Variants in USP34 observed in about 807,000 individuals in gnomAD.
USP34 encodes ubiquitin specific peptidase 34, also known as ubiquitin carboxyl-terminal hydrolase 34.
A neutral mutation model predicts 460.3 loss-of-function variants in USP34; 70 were observed. The ratio of observed to expected loss-of-function variants is 0.15; its 90% CI spans 0.13 to 0.19. The LOEUF (loss-of-function observed/expected upper bound fraction) is 0.19. USP34 is among the 10% of genes least tolerant of loss of function. The probability of loss-of-function intolerance (pLI) is 1.00; values close to 1 mark genes in which losing one functional copy is unlikely to be tolerated. For synonymous variants in USP34, 1,647 were observed against 1,405.3 expected (o/e 1.17, Z -3.85); for missense variants, 3,985 against 4,236.2 (o/e 0.94, Z 1.65).
chr2:61,203,106 T>G, intron 75 of USP34, 34 bp downstream of exon 75: 13 of 1,509,498 alleles, frequency 8.6e-6, no homozygotes, highest in Non-Finnish European at 1.1e-5. Flanking sequence ...TTAAAATAAT[T>G]CAGTGGAATT....
At chr2:61,421,952 A>T (rs1365298441) in intron 1 of USP34, among the ~76,000 whole-genome samples, 3 of 151,832 alleles carry the variant, frequency 2.0e-5, no homozygotes, top group Admixed American at 6.6e-5. Flanking sequence ...AAAGGGGTTT[A>T]AAAAAAAATT....
At chr2:61,238,998 G>T (rs1275905401) in intron 53 of USP34, among the ~76,000 whole-genome samples, 1 of 151,224 alleles carries the variant, frequency 6.6e-6, no homozygotes, top group Non-Finnish European at 1.5e-5. Flanking sequence ...ATATTATTAT[G>T]GTGATCTATA....
chr2:61,466,567 T>C (rs769570276), intron 1 of USP34, among the ~76,000 whole-genome samples: 15 of 152,214 alleles, frequency 9.9e-5, no homozygotes, highest in Non-Finnish European at 1.8e-4. Flanking sequence ...AACATCACTA[T>C]GTACACCATG....
At chr2:61,427,683 G>T (rs965588690) in intron 1 of USP34, among the ~76,000 whole-genome samples, 1 of 152,200 alleles carries the variant, frequency 6.6e-6, no homozygotes, top group East Asian at 1.9e-4. Flanking sequence ...GCTGAAAAAC[G>T]CAATTGGCAT....
At chr2:61,222,721 G>T in intron 64 of USP34, 58 bp from the exon 65 acceptor site, 1 of 1,523,326 alleles carries the variant, frequency 6.6e-7, no homozygotes, top group Non-Finnish European at 9.0e-7. Flanking sequence ...TTTTGAGACA[G>T]GGTTTCGCTA....
In USP34 at chr2:61,342,140, A is replaced by G. The variant is rs768846585; in HGVS notation, c.2500+1675T>C. Reference sequence around the variant, plus strand: ...TATATTTTATGTTCAACAGCAAGTTATGACAGTTCCAGCTCCACATTCTAA... The same window carrying G: ...TATATTTTATGTTCAACAGCAAGTTGTGACAGTTCCAGCTCCACATTCTAA... On this transcript the variant is annotated intron_variant, in intron 16 of 79. Coordinates refer to ENST00000398571, the MANE Select transcript of USP34 (RefSeq NM_014709.4). 3.9e-5 allele frequency among the ~76,000 whole-genome samples: 6 copies of G among 152,126 alleles called. No homozygotes were observed. In the East Asian group the frequency reaches 1.2e-3, roughly 29 times the overall value.
chr2:61,348,637 A>G lies in USP34; in HGVS notation c.1674+119T>C, dbSNP rs1558542615. On this transcript the variant is annotated intron_variant, in intron 14 of 79. Transcript: ENST00000398571. ...ATTAAAAACTCAAAGGATGTCAAAA[A>G]TATTACGTAAAGGAGAGGACAAGCC... is the stretch of plus-strand genomic sequence containing the variant. 5.5e-6 allele frequency: 8 copies of G among 1,446,574 alleles called. No homozygotes were observed. In the East Asian group the frequency reaches 2.0e-4, roughly 36 times the overall value. The allele number at this position is 1,446,574 out of a possible 1,614,324, so 89.6% of individuals were successfully genotyped here.
chr2:61,304,655 G>T (rs1233097396), intron 27 of USP34, among the ~76,000 whole-genome samples: 1 of 152,200 alleles, frequency 6.6e-6, no homozygotes, highest in Non-Finnish European at 1.5e-5. Context: ...CACTGAATCT[G>T]CTGGCACCTT....
intron 41 of USP34, among the ~76,000 whole-genome samples, chr2:61,272,898 T>A (rs1186397839): frequency 6.6e-6 from 1 of 151,994 alleles, no homozygotes; most frequent in East Asian, 1.9e-4. Context: ...GTGACATGAG[T>A]CTGCTTGGGG....
chr2:61,248,797 T>A, intron 48 of USP34, 114 bp from the exon 49 acceptor site: 1 of 973,360 alleles, frequency 1.0e-6, no homozygotes, highest in Non-Finnish European at 1.4e-6. Flanking sequence ...AGAAGTATAG[T>A]AGTTCCCCTT....
At chr2:61,192,150 T>TG (rs1686664173) in intron 76 of USP34, among the ~76,000 whole-genome samples, 1 of 152,186 alleles carries the variant, frequency 6.6e-6, no homozygotes, top group African/African-American at 2.4e-5. Context: ...AAGCATGATG[T>TG]GGGTCAAGGG....
At chr2:61,349,191 T>C in intron 13 of USP34, 59 bp downstream of exon 13, 1 of 1,558,760 alleles carries the variant, frequency 6.4e-7, no homozygotes, top group Non-Finnish European at 8.7e-7. Context: ...CAATGAACTC[T>C]AGAAAACCAC....
intron 48 of USP34, among the ~76,000 whole-genome samples, chr2:61,254,970 C>G (rs562951826): frequency 6.6e-6 from 1 of 152,086 alleles, no homozygotes; most frequent in African/African-American, 2.4e-5. Flanking sequence ...TTCAGCCTCC[C>G]GAACAGCTGA....
Position 61,229,535 on chromosome 2 carries a change from AAGT to A in USP34, c.7199+10_7199+12del. 1 of 1,599,272 alleles carries A rather than the reference AAGT, an allele frequency of 6.3e-7. No individual in the cohort carries two copies. Among genetic ancestry groups the A allele is most frequent in the Admixed American group, 1.7e-5 (1 of 58,482 alleles). On this transcript the variant is annotated intron_variant, in intron 59 of 79. Coordinates refer to ENST00000398571, the MANE Select transcript of USP34 (RefSeq NM_014709.4). ...ACACAGACACACAAACTTATTCAAA[AAGT>A]ACTTCTTACCCATCTTCCATTCCTG...
chr2:61,339,744 C>G (rs1691529800), intron 16 of USP34, 63 bp from the exon 17 acceptor site: 16 of 839,558 alleles, frequency 1.9e-5, no homozygotes, highest in Non-Finnish European at 8.4e-6. Context: ...TTATAGCATT[C>G]ATATGGTTAG....
intron 2 of USP34, among the ~76,000 whole-genome samples, chr2:61,409,837 G>A (rs1693987046): frequency 6.6e-6 from 1 of 152,202 alleles, no homozygotes; most frequent in Non-Finnish European, 1.5e-5. Flanking sequence ...AGAAGAAACT[G>A]GGTCTGGGTC....
chr2:61,421,659 G>A (rs1200954273), intron 1 of USP34, among the ~76,000 whole-genome samples: 4 of 152,070 alleles, frequency 2.6e-5, no homozygotes, highest in African/African-American at 9.7e-5. Context: ...AATCTTGCCT[G>A]GATCACTGTA....
chr2:61,271,496 T>G (rs115038022), intron 41 of USP34, among the ~76,000 whole-genome samples: 142 of 152,236 alleles, frequency 9.3e-4, no homozygotes, highest in African/African-American at 3.3e-3. Flanking sequence ...GTTGCAATCA[T>G]CCATTTGCTC....
rs151056546 is a variant in USP34 at position 61,425,490 on chromosome 2, G to A, written c.44-4657C>T. ...ACTGCAAGCCACTGAACTCAGTGCTGTCCTGTGAGAGCAGAAAAGAAAACC... is the reference window on the plus strand; with the variant it reads ...ACTGCAAGCCACTGAACTCAGTGCTATCCTGTGAGAGCAGAAAAGAAAACC... On this transcript the variant is annotated intron_variant, in intron 1 of 79. Coordinates refer to ENST00000398571, the MANE Select transcript of USP34 (RefSeq NM_014709.4). 2.8e-3 allele frequency among the ~76,000 whole-genome samples: 419 copies of A among 152,172 alleles called. 1 individual carries two copies. The highest frequency in any genetic ancestry group is 9.4e-3 in the African/African-American group (390 of 41,504).
Sources: allele counts gnomAD v4.1 joint callset (sites outside exome capture counted in the v4.1 genomes callset), GRCh38; gene constraint gnomAD v4.1.1; transcripts MANE v1.5; gene names NCBI Gene and HGNC (gene_info 2026-07-23, HGNC 2026-07-21).